Variants in FLOT2 observed in about 807,000 individuals in gnomAD.
FLOT2 encodes flotillin 2.
A neutral mutation model predicts 54.9 loss-of-function variants in FLOT2; 35 were observed. The observed-to-expected ratio is 0.64, with a 90% CI of 0.49 to 0.84. FLOT2 has a LOEUF of 0.84. Ranked by LOEUF, FLOT2 falls within the 40% of genes least tolerant of loss-of-function variation. FLOT2 has a pLI of 0.00. For missense variants in FLOT2, 464 were observed against 572.1 expected (o/e 0.81, Z 1.93); for synonymous variants, 207 against 228.9 (o/e 0.90, Z 0.86).
intron 2 of FLOT2, chr17:28,885,872 T>A (rs1243675804): frequency 5.2e-6 from 8 of 1,548,476 alleles, no homozygotes; most frequent in Non-Finnish European, 7.0e-6. Flanking sequence ...CAACCCCTGT[T>A]ACGAATAGTG....
At chr17:28,885,941 A>G in intron 2 of FLOT2, 4 of 1,549,008 alleles carry the variant, frequency 2.6e-6, no homozygotes, top group South Asian at 1.2e-5. Context: ...TAACCTCCAG[A>G]GACAGTCTGA....
At chr17:28,895,360 C>T (rs1207202070) in intron 1 of FLOT2, among the ~76,000 whole-genome samples, 1 of 151,852 alleles carries the variant, frequency 6.6e-6, no homozygotes, top group Admixed American at 6.6e-5. Context: ...AGCTTAATGC[C>T]AAAATACAGA....
At chr17:28,888,905 GC>G in intron 2 of FLOT2, 39 bp downstream of exon 2, 1 of 1,530,184 alleles carries the variant, frequency 6.5e-7, no homozygotes, top group Non-Finnish European at 9.0e-7. Flanking sequence ...TCTCTCCCTG[GC>G]CCACTCCATG....
At chr17:28,881,013 G>A (rs2039437971) in intron 9 of FLOT2, 151 bp from the exon 10 acceptor site, 1 of 1,148,418 alleles carries the variant, frequency 8.7e-7, no homozygotes, top group Admixed American at 2.0e-5. Flanking sequence ...ACGCCCTGTG[G>A]GCCAGGGATG....
chr17:28,889,087 C>T lies in FLOT2; in HGVS notation c.50-61G>A, dbSNP rs760203835. On this transcript the variant is annotated intron_variant, in intron 1 of 10. Coordinates refer to ENST00000394908, the MANE Select transcript of FLOT2 (RefSeq NM_004475.3). Reference sequence around the variant, plus strand: ...TTCTTGGGTCTGTCTACCCTCCAGCCCACTGATAGCAACTTTTGTCCTTTA... The same window carrying T: ...TTCTTGGGTCTGTCTACCCTCCAGCTCACTGATAGCAACTTTTGTCCTTTA... 1,532 of 1,413,574 alleles carry T rather than the reference C, an allele frequency of 1.1e-3. 3 individuals are homozygous for T. The highest frequency in any genetic ancestry group is 1.4e-3 in the Non-Finnish European group (1,411 of 1,005,038). 87.6% of individuals were successfully genotyped at this position (1,413,574 alleles called of 1,614,324 possible).
rs891386075 is a variant in FLOT2 at position 28,884,720 on chromosome 17, C to T, written c.132-405G>A. 6.6e-6 allele frequency among the ~76,000 whole-genome samples: 1 copy of T among 152,170 alleles called. No individual in the cohort carries two copies. The highest frequency in any genetic ancestry group is 1.5e-5 in the Non-Finnish European group (1 of 68,020). On this transcript the variant is annotated intron_variant, in intron 2 of 10. Transcript: ENST00000394908. This position sits in a 1 kb window ranked among gnomAD's most constrained non-coding sequence, Gnocchi z 5.1. ...CCATCCGTGGATGTCAACTGAGCCT[C>T]CCACAGGGGCCCTTGCCCATTCCTT... is the stretch of plus-strand genomic sequence containing the variant.
chr17:28,894,795 T>TAA (rs746735489), intron 1 of FLOT2, among the ~76,000 whole-genome samples: 3 of 132,408 alleles, frequency 2.3e-5, no homozygotes, highest in Non-Finnish European at 4.9e-5. Context: ...AGACTGTATT[T>TAA]AAAAAAAAAA....
At chr17:28,887,709 G>A (rs1033386322) in intron 2 of FLOT2, among the ~76,000 whole-genome samples, 1 of 152,226 alleles carries the variant, frequency 6.6e-6, no homozygotes, top group Non-Finnish European at 1.5e-5. Flanking sequence ...GTGGCAGTAT[G>A]TCTGGAGAGG....
chr17:28,894,122 G>A (rs1227412621), intron 1 of FLOT2, among the ~76,000 whole-genome samples: 1 of 152,126 alleles, frequency 6.6e-6, no homozygotes, highest in Non-Finnish European at 1.5e-5. Context: ...CTCCCACCTC[G>A]GTCTCCTAAA....
intron 2 of FLOT2, chr17:28,886,064 G>GGGGGGGGGGT: frequency 1.7e-6 from 1 of 601,678 alleles, no homozygotes; most frequent in Non-Finnish European, 3.1e-6. Flanking sequence ...GGGGCGGGGG[G>GGGGGGGGGGT]GGGCATGCTG....
Position 28,880,078 on chromosome 17 carries a change from G to T in FLOT2, c.*483C>A. 1 of 995,006 alleles carries T rather than the reference G, an allele frequency of 1.0e-6. No homozygotes were observed. Among genetic ancestry groups the T allele is most frequent in the African/African-American group, 1.7e-5 (1 of 57,504 alleles). The allele number at this position is 995,006 out of a possible 1,614,324, so 61.6% of individuals were successfully genotyped here. ...GTGGGCTTCCTGGGGCAGGGTTTAG[G>T]GCTGGGAAGACCAGTCCAGGAGAGA... is the stretch of plus-strand genomic sequence containing the variant. On this transcript the variant is annotated 3_prime_UTR_variant, in exon 11 of 11. Transcript: ENST00000394908.
rs991300270 is a variant in FLOT2 at position 28,889,010 on chromosome 17, G to C, written c.66C>G (p.Ser22=). The C allele has an allele frequency of 3.0e-5, 48 of 1,613,982 alleles. No homozygotes were observed. Among genetic ancestry groups the C allele is most frequent in the Non-Finnish European group, 3.9e-5 (46 of 1,180,008 alleles). ...ALVVSGGCCG[S]DYKQYVFGGW... ...CGCCAAACACGTACTGTTTATAGTC[G>C]GAACCACAACAGCCCCCTGGGGAGC... is the stretch of plus-strand genomic sequence containing the variant. The change falls in exon 2 of 11, where the codon TCC becomes TCG. Residue 22 remains serine, a synonymous_variant. Transcript: ENST00000394908.
Position 28,880,486 on chromosome 17 carries a change from G to A in FLOT2, c.*75C>T, listed in dbSNP as rs1461216397. 9 of 1,573,764 alleles carry A rather than the reference G, an allele frequency of 5.7e-6. No individual in the cohort carries two copies. The highest frequency in any genetic ancestry group is 5.4e-5 in the African/African-American group (4 of 73,684). ...AGGCACCAGAGTCAGTAACGTTCCCGTTGTTCTGTGGGATTAAAACGGGTG... is the reference window on the plus strand; with the variant it reads ...AGGCACCAGAGTCAGTAACGTTCCCATTGTTCTGTGGGATTAAAACGGGTG... On this transcript the variant is annotated 3_prime_UTR_variant, in exon 11 of 11. Coordinates refer to ENST00000394908, the MANE Select transcript of FLOT2 (RefSeq NM_004475.3).
Position 28,881,818 on chromosome 17 carries a change from C to T in FLOT2, c.910G>A (p.Glu304Lys). The T allele has an allele frequency of 6.2e-7, 1 of 1,613,140 alleles. No homozygotes were observed. Among genetic ancestry groups the T allele is most frequent in the Middle Eastern group, 1.7e-4 (1 of 6,058 alleles). ...AHRIQQIAEG[E>K]KVKQVLLAQA... ...CGGCACCTGGGCGGCTCTCACTTTT[C>T]ACCCTCGGCAATCTGCTGGATGCGG... Residue 304 changes from glutamate (E) to lysine (K), a missense_variant, in exon 8 of 11, where the codon GAA becomes AAA. Coordinates refer to ENST00000394908, the MANE Select transcript of FLOT2 (RefSeq NM_004475.3).
intron 2 of FLOT2, chr17:28,885,800 C>T (rs549123055): frequency 1.6e-6 from 2 of 1,223,006 alleles, no homozygotes; most frequent in East Asian, 2.5e-5. Context: ...CTGCCAGGCC[C>T]CGCAGGGCAG....
chr17:28,890,543 C>T (rs551774209), intron 1 of FLOT2, among the ~76,000 whole-genome samples: 2 of 152,230 alleles, frequency 1.3e-5, no homozygotes, highest in Non-Finnish European at 2.9e-5. Context: ...CCCGCCACCA[C>T]GCCCAGCTAA....
Position 28,883,039 on chromosome 17 carries a change from G to C in FLOT2, c.346+69C>G. On this transcript the variant is annotated intron_variant, in intron 4 of 10. Transcript: ENST00000394908. This position sits in a 1 kb window ranked among gnomAD's most constrained non-coding sequence, Gnocchi z 5.0. ...TCCTGTGAAACAGGCCCCCTGCCCA[G>C]CCCTGCACACCTCCCTGCCTTGGCT... The C allele has an allele frequency of 6.4e-7, 1 of 1,554,016 alleles. No homozygotes were observed. The highest frequency in any genetic ancestry group is 8.8e-7 in the Non-Finnish European group (1 of 1,131,394).
chr17:28,880,719 C>G lies in FLOT2; in HGVS notation c.1242G>C (p.Leu414=), dbSNP rs968020529. The G allele has an allele frequency of 2.5e-6, 4 of 1,614,218 alleles. No individual in the cohort carries two copies. In the Admixed American group the frequency reaches 5.0e-5, roughly 20 times the overall value. Residue 414 remains leucine, a synonymous_variant, in exon 10 of 11, where the codon CTG becomes CTC. Transcript: ENST00000394908. ...ASVHALTGVD[L]SKIPLIKKAT... ...CAGCTAGGCAGGCACATACCTTAGA[C>G]AGGTCCACGCCTGTGAGGGCATGCA... is the stretch of plus-strand genomic sequence containing the variant.
At position 28,883,251 on chromosome 17, in the gene FLOT2, C is replaced by T. The variant is rs779713656; in HGVS notation, c.223-20G>A. 1.2e-5 allele frequency: 20 copies of T among 1,613,730 alleles called. No homozygotes were observed. Among genetic ancestry groups the T allele is most frequent in the African/African-American group, 1.2e-4 (9 of 74,932 alleles). On this transcript the variant is annotated intron_variant, in intron 3 of 10. Transcript: ENST00000394908. This position sits in a 1 kb window ranked among gnomAD's most constrained non-coding sequence, Gnocchi z 5.0. ...CTTCACCTGTCAGTGACGACAAAGG[C>T]GCTTCAGCTAGGCTGGAGCGAGGCA...
Sources: allele counts gnomAD v4.1 joint callset (sites outside exome capture counted in the v4.1 genomes callset), GRCh38; gene constraint gnomAD v4.1.1; non-coding constraint Gnocchi (gnomAD v3.1); transcripts MANE v1.5; gene names NCBI Gene and HGNC (gene_info 2026-07-23, HGNC 2026-07-21).